Variants in RIPK2 observed in about 807,000 individuals in gnomAD.
RIPK2 encodes the protein receptor-interacting serine/threonine-protein kinase 2.
Under a neutral mutation model 60.9 loss-of-function variants are expected in RIPK2, and 38 were observed. That is an observed-to-expected ratio of 0.62 (90% CI 0.48 to 0.82). The LOEUF is 0.82. Ranked by LOEUF, RIPK2 falls within the 40% of genes least tolerant of loss-of-function variation. The pLI is 0.00. For synonymous variants in RIPK2, 225 were observed against 223.4 expected (o/e 1.01, Z -0.06); for missense variants, 518 against 647.0 (o/e 0.80, Z 2.16).
intron 9 of RIPK2, 124 bp from the exon 10 acceptor site, chr8:89,789,197 C>A: frequency 1.3e-6 from 1 of 768,156 alleles, no homozygotes; most frequent in Non-Finnish European, 2.1e-6. Context: ...TCTGAACCAG[C>A]CTTAATATTA....
chr8:89,784,213 T>C (rs1809548615), intron 8 of RIPK2, 74 bp downstream of exon 8: 1 of 909,660 alleles, frequency 1.1e-6, no homozygotes, highest in African/African-American at 1.7e-5. Flanking sequence ...AATCATTTGG[T>C]CTAAGCCCTT....
intron 1 of RIPK2, among the ~76,000 whole-genome samples, chr8:89,758,598 G>A (rs1391213317): frequency 6.6e-6 from 1 of 152,118 alleles, no homozygotes; most frequent in African/African-American, 2.4e-5. Context: ...TATATAGTGG[G>A]TGTGGGTTTT....
In RIPK2 at chr8:89,762,978, A is replaced by G. The variant is rs746035458; in HGVS notation, c.323A>G (p.His108Arg). 1 of 1,481,952 alleles carries G rather than the reference A, an allele frequency of 6.7e-7. No individual in the cohort carries two copies. Among genetic ancestry groups the G allele is most frequent in the Admixed American group, 2.1e-5 (1 of 47,982 alleles). The allele number at this position is 1,481,952 out of a possible 1,614,324, so 91.8% of individuals were successfully genotyped here. The change falls in exon 2 of 11, where the codon CAT becomes CGT. Residue 108 changes from histidine (H) to arginine (R), a missense_variant. Around this residue, in one of 3 missense-constraint regions of RIPK2, gnomAD observed 448 missense variants for 534.7 expected, o/e 0.84. Coordinates refer to ENST00000220751, the MANE Select transcript of RIPK2 (RefSeq NM_003821.6). The part of the protein sequence containing the change: ...MPNGSLNELL[H>R]RKTEYPDVAW... ...AATGGATCATTAAATGAACTCCTAC[A>G]TAGGGTAAGTATTACACAGTTTTAG...
rs1158275969 is a variant in RIPK2, at chr8:89,790,059, C to A, written c.1286-20C>A. 1.3e-6 allele frequency: 2 copies of A among 1,560,802 alleles called. No homozygotes were observed. Among genetic ancestry groups the A allele is most frequent in the Non-Finnish European group, 1.7e-6 (2 of 1,144,304 alleles). ...ATCTGTCCTCACCTTTTAAATTATT[C>A]ATTCCTTGTTCTTTTTCAGAACGTC... On this transcript the variant is annotated intron_variant, in intron 10 of 10. Coordinates refer to ENST00000220751, the MANE Select transcript of RIPK2 (RefSeq NM_003821.6).
intron 2 of RIPK2, 81 bp downstream of exon 2, chr8:89,763,063 C>A: frequency 1.0e-6 from 1 of 962,498 alleles, no homozygotes; most frequent in South Asian, 3.7e-5. Context: ...TATATTTGGT[C>A]AGATTATTTA....
intron 8 of RIPK2, among the ~76,000 whole-genome samples, chr8:89,785,568 C>T (rs896573060): frequency 6.6e-6 from 1 of 152,008 alleles, no homozygotes; most frequent in South Asian, 2.1e-4. Flanking sequence ...TGGGTCCCAA[C>T]CCCAAGATAT....
At position 89,765,359 on chromosome 8, in the gene RIPK2, G is replaced by A; in HGVS notation, c.346G>A (p.Val116Ile). The change falls in exon 3 of 11, where the codon GTT becomes ATT. Residue 116 changes from valine (V) to isoleucine (I), a missense_variant. Coordinates refer to ENST00000220751, the MANE Select transcript of RIPK2 (RefSeq NM_003821.6). ...TATGAAGAAAACTGAATATCCTGAT[G>A]TTGCTTGGCCATTGAGATTTCGCAT... ...LLHRKTEYPD[V>I]AWPLRFRILH... 1 of 1,607,968 alleles carries A rather than the reference G, an allele frequency of 6.2e-7. No individual in the cohort carries two copies. Among genetic ancestry groups the A allele is most frequent in the East Asian group, 2.2e-5 (1 of 44,692 alleles).
In RIPK2 at chr8:89,789,326, G is replaced by A. The variant is rs201993178; in HGVS notation, c.1129G>A (p.Ala377Thr). ...PQDNDFLSRK[A>T]QDCYFMKLHH... ...GAAGATGTTGTATTTTGTAGGAAAAGCTCAAGACTGTTATTTTATGAAGCT... is the reference window on the plus strand; with the variant it reads ...GAAGATGTTGTATTTTGTAGGAAAAACTCAAGACTGTTATTTTATGAAGCT... Residue 377 changes from alanine (A) to threonine (T), a missense_variant, in exon 10 of 11, where the codon GCT becomes ACT. Physicochemically the swap from Ala to Thr is moderately conservative, Grantham distance 58 (BLOSUM62 0). This residue lies in a region of RIPK2 where 448 missense variants were observed against 534.7 expected (regional missense o/e 0.84). Transcript: ENST00000220751. 7.4e-6 allele frequency: 12 copies of A among 1,613,420 alleles called. No individual in the cohort carries two copies. Among genetic ancestry groups the A allele is most frequent in the Non-Finnish European group, 9.3e-6 (11 of 1,179,728 alleles).
In RIPK2 at chr8:89,786,666, A is replaced by C; in HGVS notation, c.1103A>C (p.Gln368Pro). ...PETSRSLPAP[Q>P]DNDFLSRKAQ... ...ACTTCAAGGTCCCTGCCAGCTCCTC[A>C]AGACAATGATTTTTTATCTAGTATG... The change falls in exon 9 of 11, where the codon CAA becomes CCA. Residue 368 changes from glutamine to proline, a missense_variant. Gln to Pro is a moderately conservative substitution (Grantham distance 76, BLOSUM62 -1). Transcript: ENST00000220751. 8.8e-6 allele frequency: 14 copies of C among 1,582,350 alleles called. No homozygotes were observed. The highest frequency in any genetic ancestry group is 1.4e-5 in the African/African-American group (1 of 72,544).
At chr8:89,776,701 A>G (rs963919166) in intron 6 of RIPK2, among the ~76,000 whole-genome samples, 9 of 152,318 alleles carry the variant, frequency 5.9e-5, no homozygotes, top group African/African-American at 2.2e-4. Context: ...ATCTATGAGA[A>G]CAGAATAGTA....
chr8:89,767,835 T>C (rs533873241), intron 3 of RIPK2, among the ~76,000 whole-genome samples: 140 of 151,926 alleles, frequency 9.2e-4, no homozygotes, highest in Admixed American at 1.4e-3. Context: ...CTATGAGCTG[T>C]CTCCCAAACC....
At chr8:89,783,616 A>C (rs1050015404) in intron 7 of RIPK2, among the ~76,000 whole-genome samples, 1 of 152,188 alleles carries the variant, frequency 6.6e-6, no homozygotes, top group Non-Finnish European at 1.5e-5. Flanking sequence ...TAAAATGAAA[A>C]TAATAATAGT....
rs201134480 is a variant in RIPK2, at chr8:89,789,429, C to A, written c.1232C>A (p.Thr411Asn). The A allele has an allele frequency of 6.2e-6, 10 of 1,613,900 alleles. No homozygotes were observed. Among genetic ancestry groups the A allele is most frequent in the Non-Finnish European group, 8.5e-6 (10 of 1,179,932 alleles). ...AGGGCTGCATTCTGTGATCACAAGA[C>A]CACTCCATGCTCTTCAGCAATAATA... ...SQRAAFCDHK[T>N]TPCSSAIINP... Residue 411 changes from threonine (T) to asparagine (N), a missense_variant, in exon 10 of 11, where the codon ACC becomes AAC. Thr to Asn is a moderately conservative substitution (Grantham distance 65, BLOSUM62 0). This residue lies in a region of RIPK2 where 448 missense variants were observed against 534.7 expected (regional missense o/e 0.84). Transcript: ENST00000220751.
At chr8:89,778,045 A>G (rs540461001) in intron 6 of RIPK2, among the ~76,000 whole-genome samples, 10 of 152,282 alleles carry the variant, frequency 6.6e-5, no homozygotes, top group Admixed American at 3.9e-4. Context: ...AAAAGAAATG[A>G]AAAGTTCACA....
chr8:89,764,436 A>G (rs1484602820), intron 2 of RIPK2, among the ~76,000 whole-genome samples: 2 of 152,214 alleles, frequency 1.3e-5, no homozygotes, highest in African/African-American at 4.8e-5. Context: ...GCATTTGCAG[A>G]AAAACTTCTC....
chr8:89,778,740 A>G (rs890760334), intron 6 of RIPK2, among the ~76,000 whole-genome samples: 1 of 152,100 alleles, frequency 6.6e-6, no homozygotes, highest in African/African-American at 2.4e-5. Context: ...GATTGTTTCT[A>G]CTTGTTGCCT....
rs527953096 is a variant in RIPK2, at chr8:89,764,222, T to C, written c.328-1119T>C. Among the ~76,000 whole-genome samples, 42 of 152,294 alleles carry C rather than the reference T, an allele frequency of 2.8e-4. No homozygotes were observed. The South Asian group carries it at 8.5e-3, about 31-fold the overall frequency. ...TTTCTCTAGGGGACAGGCCTCTGTGTATGCCAGAGAAAGTAATGTTCCACG... is the reference window on the plus strand; with the variant it reads ...TTTCTCTAGGGGACAGGCCTCTGTGCATGCCAGAGAAAGTAATGTTCCACG... On this transcript the variant is annotated intron_variant, in intron 2 of 10. Transcript: ENST00000220751.
At chr8:89,768,435 A>C (rs1037864048) in intron 3 of RIPK2, among the ~76,000 whole-genome samples, 5 of 151,734 alleles carry the variant, frequency 3.3e-5, no homozygotes, top group African/African-American at 1.2e-4. Flanking sequence ...CAGAGCTTGA[A>C]TCAGAGCTGT....
At chr8:89,772,075 A>C (rs1348493363) in intron 5 of RIPK2, among the ~76,000 whole-genome samples, 1 of 151,992 alleles carries the variant, frequency 6.6e-6, no homozygotes, top group Non-Finnish European at 1.5e-5. Flanking sequence ...TCAAGTCACA[A>C]ATCTCTTGCG....
Sources: allele counts gnomAD v4.1 joint callset (sites outside exome capture counted in the v4.1 genomes callset), GRCh38; gene constraint gnomAD v4.1.1; regional missense constraint gnomAD v4.1.1; transcripts MANE v1.5; gene names NCBI Gene and HGNC (gene_info 2026-07-23, HGNC 2026-07-21).